The following SLC1A1 variants were observed in gnomAD, a reference collection of about 807,000 sequenced individuals.
SLC1A1 encodes solute carrier family 1 member 1, also known as excitatory amino acid transporter 3.
SLC1A1 carries 43 observed loss-of-function variants against 53.3 expected under a neutral mutation model. The ratio of observed to expected loss-of-function variants is 0.81; its 90% confidence interval spans 0.63 to 1.04. SLC1A1 has a LOEUF of 1.04. Among genes scored for constraint, SLC1A1 ranks in the 50% least tolerant of loss-of-function variants. The pLI, the probability that SLC1A1 is intolerant of heterozygous loss-of-function variation, is 0.00. For synonymous variants in SLC1A1, 307 were observed against 243.2 expected (o/e 1.26, Z -2.44); for missense variants, 748 against 664.9 (o/e 1.12, Z -1.37).
chr9:4,575,902 T>C, intron 8 of SLC1A1, 99 bp from the exon 9 acceptor site: 2 of 1,430,754 alleles, frequency 1.4e-6, no homozygotes, highest in South Asian at 2.4e-5. Context: ...ATTATGAAAG[T>C]CAAACAATTT....
chr9:4,524,867 C>G (rs796564223), intron 1 of SLC1A1, among the ~76,000 whole-genome samples: 55 of 152,206 alleles, frequency 3.6e-4, no homozygotes, highest in African/African-American at 1.3e-3. Context: ...TAATCCAGTC[C>G]TGCCAGAGTG....
Position 4,564,429 on chromosome 9 carries a change from T to C in SLC1A1, c.411T>C (p.Ser137=). Residue 137 remains serine (S), a synonymous_variant, in exon 4 of 12, where the codon AGT becomes AGC. Coordinates refer to ENST00000262352, the MANE Select transcript of SLC1A1 (RefSeq NM_004170.6). The stretch of plus-strand genomic sequence containing the variant: ...GGACAGGCAGCACCCCTGAAGTCAG[T>C]ACGGTGGATGCCATGTTAGATCTCA... ...IARTGSTPEV[S]TVDAMLDLIR... 2 of 1,613,096 alleles carry C rather than the reference T, an allele frequency of 1.2e-6. No homozygotes were observed. The highest frequency in any genetic ancestry group is 4.5e-5 in the East Asian group (2 of 44,878).
At chr9:4,553,009 T>A (rs76222847) in intron 2 of SLC1A1, among the ~76,000 whole-genome samples, 5 of 152,042 alleles carry the variant, frequency 3.3e-5, no homozygotes, top group African/African-American at 9.7e-5. Flanking sequence ...TTCACCAGCA[T>A]GTAAGAAGCT....
At chr9:4,542,210 G>A (rs1329756009) in intron 1 of SLC1A1, among the ~76,000 whole-genome samples, 1 of 152,098 alleles carries the variant, frequency 6.6e-6, no homozygotes, top group Non-Finnish European at 1.5e-5. Context: ...GAGGAAGGAA[G>A]GAAGGAATAT....
In SLC1A1 at chr9:4,583,904, A is replaced by G. The variant is rs1586873037; in HGVS notation, c.1328+732A>G. Among the ~76,000 whole-genome samples the G allele has an allele frequency of 6.7e-6, 1 of 149,846 alleles. No homozygotes were observed. Among genetic ancestry groups the G allele is most frequent in the Admixed American group, 6.7e-5 (1 of 15,024 alleles). On this transcript the variant is annotated intron_variant, in intron 11 of 11. Transcript: ENST00000262352. The surrounding 1 kb of genome is among the most constrained non-coding windows in gnomAD (Gnocchi z 4.6). ...CTCTCACACACACACACACACACAC[A>G]CACACACATATGGAATACAGCAGAA...
At chr9:4,563,577 G>A (rs1819189867) in intron 3 of SLC1A1, among the ~76,000 whole-genome samples, 2 of 152,128 alleles carry the variant, frequency 1.3e-5, no homozygotes, top group African/African-American at 4.8e-5. Flanking sequence ...TGAGGGAGGA[G>A]CAATAAAGAG....
chr9:4,510,312 C>A (rs1357478528), intron 1 of SLC1A1, among the ~76,000 whole-genome samples: 1 of 152,180 alleles, frequency 6.6e-6, no homozygotes, highest in Non-Finnish European at 1.5e-5. Flanking sequence ...ATCTACCAGC[C>A]TTTCTTCCAT....
intron 1 of SLC1A1, among the ~76,000 whole-genome samples, chr9:4,521,745 C>T (rs1586708935): frequency 6.6e-6 from 1 of 152,100 alleles, no homozygotes; most frequent in Non-Finnish European, 1.5e-5. Flanking sequence ...AGGCCTGGAG[C>T]CTCACACTGA....
chr9:4,496,312 G>C (rs796510826), intron 1 of SLC1A1, among the ~76,000 whole-genome samples: 62 of 152,238 alleles, frequency 4.1e-4, no homozygotes, highest in African/African-American at 1.3e-3. Flanking sequence ...GACCTTCTGG[G>C]CTTTTATTTG....
chr9:4,564,464 T>C lies in SLC1A1; in HGVS notation c.440+6T>C, dbSNP rs776313050. 1.3e-6 allele frequency: 2 copies of C among 1,586,308 alleles called. No individual in the cohort carries two copies. The highest frequency in any genetic ancestry group is 3.4e-5 in the Admixed American group (2 of 59,522). ...GCCATGTTAGATCTCATCAGGTGAG[T>C]GTTTTGCCACAAGGTGGCTTCAAGG... On this transcript the variant is annotated splice_donor_region_variant and intron_variant, in intron 4 of 11. Coordinates refer to ENST00000262352, the MANE Select transcript of SLC1A1 (RefSeq NM_004170.6).
At chr9:4,518,705 G>A (rs1815953242) in intron 1 of SLC1A1, among the ~76,000 whole-genome samples, 1 of 152,202 alleles carries the variant, frequency 6.6e-6, no homozygotes, top group Non-Finnish European at 1.5e-5. Flanking sequence ...GTCCATCAAG[G>A]TAGAGTGAAA....
intron 1 of SLC1A1, among the ~76,000 whole-genome samples, chr9:4,492,086 A>G (rs1820255517): frequency 6.6e-6 from 1 of 152,232 alleles, no homozygotes; most frequent in African/African-American, 2.4e-5. Context: ...GTAGGAGGAA[A>G]GGAGAGAAGT....
intron 1 of SLC1A1, among the ~76,000 whole-genome samples, chr9:4,535,415 C>T (rs980934961): frequency 2.0e-5 from 3 of 152,102 alleles, no homozygotes; most frequent in Non-Finnish European, 4.4e-5. Context: ...ACACCAATAA[C>T]AGACAAACAG....
At chr9:4,564,251 T>A (rs1480475230) in intron 3 of SLC1A1, 93 bp from the exon 4 acceptor site, 9 of 866,256 alleles carry the variant, frequency 1.0e-5, no homozygotes, top group Non-Finnish European at 1.7e-5. Flanking sequence ...CACTATTGCC[T>A]GGTACAACCA....
At chr9:4,537,055 A>AG (rs1238363935) in intron 1 of SLC1A1, among the ~76,000 whole-genome samples, 2 of 151,372 alleles carry the variant, frequency 1.3e-5, no homozygotes, top group African/African-American at 2.4e-5. Flanking sequence ...GAGTGGGGGG[A>AG]GGAGGGAGGG....
intron 1 of SLC1A1, among the ~76,000 whole-genome samples, chr9:4,536,147 G>A (rs10974605): frequency 0.27 from 41,347 of 152,072 alleles, 6,908 homozygotes; most frequent in Admixed American, 0.38. Flanking sequence ...AGGACTTCAT[G>A]TCTAAAACAC....
At chr9:4,551,495 C>T (rs946449210) in intron 2 of SLC1A1, among the ~76,000 whole-genome samples, 1 of 152,192 alleles carries the variant, frequency 6.6e-6, no homozygotes, top group African/African-American at 2.4e-5. Context: ...GACTTGAAGA[C>T]GCATATCACT....
intron 2 of SLC1A1, among the ~76,000 whole-genome samples, chr9:4,557,276 A>T (rs1191328887): frequency 6.6e-6 from 1 of 152,252 alleles, no homozygotes; most frequent in Non-Finnish European, 1.5e-5. Context: ...CAGTGATGGA[A>T]CTACGTGCCA....
chr9:4,517,409 G>A (rs776591342), intron 1 of SLC1A1, among the ~76,000 whole-genome samples: 25 of 152,146 alleles, frequency 1.6e-4, no homozygotes, highest in Admixed American at 7.2e-4. Flanking sequence ...CAGGAGCAGC[G>A]TCCTCTCTTT....
Sources: allele counts gnomAD v4.1 joint callset (sites outside exome capture counted in the v4.1 genomes callset), GRCh38; gene constraint gnomAD v4.1.1; non-coding constraint Gnocchi (gnomAD v3.1); transcripts MANE v1.5; gene names NCBI Gene and HGNC (gene_info 2026-07-23, HGNC 2026-07-21).